Variants in FLVCR2 observed in about 807,000 individuals in gnomAD.
The protein encoded by FLVCR2 is FLVCR choline and putative heme transporter 2.
In FLVCR2, 38 loss-of-function variants were observed where a neutral mutation model predicts 48.9. The ratio of observed to expected loss-of-function variants is 0.78; its 90% CI spans 0.60 to 1.02. The LOEUF is 1.02. Among genes scored for constraint, FLVCR2 ranks in the 50% least tolerant of loss-of-function variants. FLVCR2 has a pLI of 0.00. For missense variants in FLVCR2, 664 were observed against 663.3 expected (o/e 1.00, Z -0.01); for synonymous variants, 255 against 257.0 (o/e 0.99, Z 0.07).
At chr14:75,642,623 C>T (rs1239062836) in intron 9 of FLVCR2, among the ~76,000 whole-genome samples, 1 of 152,050 alleles carries the variant, frequency 6.6e-6, no homozygotes, top group Non-Finnish European at 1.5e-5. Context: ...AGAGGTAATA[C>T]ATGCTCTTTG....
At chr14:75,609,832 G>A (rs528106689) in intron 1 of FLVCR2, among the ~76,000 whole-genome samples, 1 of 151,984 alleles carries the variant, frequency 6.6e-6, no homozygotes, top group South Asian at 2.1e-4. Context: ...GCAGACAAAG[G>A]AGACAATTAT....
At chr14:75,638,065 A>G (rs1215206647) in intron 5 of FLVCR2, among the ~76,000 whole-genome samples, 3 of 152,220 alleles carry the variant, frequency 2.0e-5, no homozygotes, top group Non-Finnish European at 1.5e-5. Flanking sequence ...TTGGAAGTCA[A>G]GCACTCAGTT....
intron 1 of FLVCR2, among the ~76,000 whole-genome samples, chr14:75,614,271 C>T (rs888824420): frequency 1.3e-5 from 2 of 152,232 alleles, no homozygotes; most frequent in Non-Finnish European, 2.9e-5. Context: ...TTTCCAACCA[C>T]ATCTTTCCAC....
At chr14:75,616,047 A>AAAAAAAG (rs1259725425) in intron 1 of FLVCR2, among the ~76,000 whole-genome samples, 1 of 148,148 alleles carries the variant, frequency 6.8e-6, no homozygotes, top group African/African-American at 2.5e-5. Flanking sequence ...AAAAAAAAAA[A>AAAAAAAG]ATAGCGTAAG....
intron 1 of FLVCR2, among the ~76,000 whole-genome samples, chr14:75,587,414 G>A (rs976738082): frequency 3.9e-5 from 6 of 152,172 alleles, no homozygotes; most frequent in Non-Finnish European, 8.8e-5. Flanking sequence ...TTTGTTTAGA[G>A]TTTGAGGGCC....
intron 1 of FLVCR2, among the ~76,000 whole-genome samples, chr14:75,582,921 C>T (rs1447886160): frequency 1.3e-5 from 2 of 152,042 alleles, no homozygotes; most frequent in African/African-American, 4.8e-5. Context: ...ATTAGCTGGA[C>T]ACGATCAGCA....
intron 3 of FLVCR2, among the ~76,000 whole-genome samples, chr14:75,631,518 A>AT (rs1398396245): frequency 2.0e-5 from 3 of 151,906 alleles, no homozygotes; most frequent in East Asian, 1.9e-4. Context: ...GCACTGGTGT[A>AT]TTTTTTTTGC....
chr14:75,613,543 CTTTTTCTTTTTCT>C (rs778318637), intron 1 of FLVCR2, among the ~76,000 whole-genome samples: 1 of 151,900 alleles, frequency 6.6e-6, no homozygotes, highest in Non-Finnish European at 1.5e-5. Flanking sequence ...CATGAGATTT[CTTTTTCTTTTTCT>C]TTTTTCTTTT....
Position 75,578,841 on chromosome 14 carries a change from C to A in FLVCR2, c.-132C>A. Reference sequence around the variant, plus strand: ...GGAAGCCCCACTTGAGGCTTTTACGCAGCCTCTAGTCTCTGTTTCTTCTGG... The same window carrying A: ...GGAAGCCCCACTTGAGGCTTTTACGAAGCCTCTAGTCTCTGTTTCTTCTGG... On this transcript the variant is annotated 5_prime_UTR_variant, in exon 1 of 10. Coordinates refer to ENST00000238667, the MANE Select transcript of FLVCR2 (RefSeq NM_017791.3). 1.2e-6 allele frequency: 1 copy of A among 833,292 alleles called. No individual in the cohort carries two copies. Among genetic ancestry groups the A allele is most frequent in the South Asian group, 1.4e-5 (1 of 69,190 alleles). 51.6% of individuals were successfully genotyped at this position (833,292 alleles called of 1,614,324 possible).
At chr14:75,632,798 TG>T in intron 3 of FLVCR2, 1 of 702,048 alleles carries the variant, frequency 1.4e-6, no homozygotes, top group Admixed American at 2.0e-5. Context: ...TTATTTTAAC[TG>T]TGTGTGCATC....
chr14:75,632,544 C>A (rs1293314007), intron 3 of FLVCR2: 1 of 690,678 alleles, frequency 1.4e-6, no homozygotes, highest in Admixed American at 2.1e-5. Flanking sequence ...TACCCACCTT[C>A]CCTTGCACCT....
intron 1 of FLVCR2, chr14:75,596,097 T>G (rs1373225174): frequency 2.9e-6 from 3 of 1,033,758 alleles, no homozygotes; most frequent in Non-Finnish European, 4.5e-6. Context: ...AATTTCTGTC[T>G]TAGGCACTGT....
At position 75,633,676 on chromosome 14, in the gene FLVCR2, A is replaced by AT. The variant is rs1594813047; in HGVS notation, c.1001dup (p.Met334IlefsTer37). ...TGCCTTGTCCACTCTTCTGAATCGC[A>AT]TGGTGATCTGGCACTACCCGGTAAG... On this transcript the variant is annotated frameshift_variant, in exon 4 of 10. Transcript: ENST00000238667. LOFTEE classifies it high-confidence loss of function. The AT allele has an allele frequency of 6.2e-7, 1 of 1,613,920 alleles. No homozygotes were observed. The highest frequency in any genetic ancestry group is 2.2e-5 in the East Asian group (1 of 44,888).
At chr14:75,616,284 G>A (rs975519752) in intron 1 of FLVCR2, among the ~76,000 whole-genome samples, 11 of 150,888 alleles carry the variant, frequency 7.3e-5, no homozygotes, top group South Asian at 2.1e-4. Context: ...CCAAGATTGC[G>A]CCACTGCACT....
chr14:75,580,423 C>T (rs923994483), intron 1 of FLVCR2, among the ~76,000 whole-genome samples: 2 of 152,366 alleles, frequency 1.3e-5, no homozygotes, highest in Middle Eastern at 3.4e-3. Context: ...TTTAGCCAGA[C>T]CACTGCCTCC....
intron 1 of FLVCR2, among the ~76,000 whole-genome samples, chr14:75,585,376 T>C (rs1888718244): frequency 6.6e-6 from 1 of 152,148 alleles, no homozygotes; most frequent in Non-Finnish European, 1.5e-5. Context: ...CTGTCAAGTT[T>C]GTATTGGGGC....
chr14:75,601,583 G>A (rs1419753045), intron 1 of FLVCR2, among the ~76,000 whole-genome samples: 1 of 152,082 alleles, frequency 6.6e-6, no homozygotes, highest in Non-Finnish European at 1.5e-5. Flanking sequence ...CATTGCTGGT[G>A]GGAATGTAAA....
chr14:75,620,760 C>T (rs1367985555), intron 1 of FLVCR2, among the ~76,000 whole-genome samples: 1 of 152,114 alleles, frequency 6.6e-6, no homozygotes, highest in African/African-American at 2.4e-5. Flanking sequence ...GTGAATATTC[C>T]AGAACTGAGA....
chr14:75,595,496 AGT>A (rs1245007591), intron 1 of FLVCR2, among the ~76,000 whole-genome samples: 2 of 152,220 alleles, frequency 1.3e-5, no homozygotes, highest in African/African-American at 4.8e-5. Context: ...ACAGTCATAA[AGT>A]GTGTGGTCAG....
Sources: gnomAD v4.1 joint callset for allele counts (sites outside exome capture counted in the v4.1 genomes callset) on GRCh38, gnomAD v4.1.1 for gene constraint, MANE v1.5 for transcripts, NCBI Gene and HGNC (gene_info 2026-07-23, HGNC 2026-07-21) for gene names.